Variants in DOP1A observed in about 807,000 individuals in gnomAD.
DOP1A encodes DOP1 leucine zipper like protein A, also known as protein DOP1A.
DOP1A carries 90 observed loss-of-function variants against 267.6 expected under a neutral mutation model. That is an observed-to-expected ratio of 0.34 (90% confidence interval 0.28 to 0.40). DOP1A has a LOEUF of 0.40. DOP1A is among the 10% of genes least tolerant of loss of function. The pLI, the probability that DOP1A is intolerant of heterozygous loss-of-function variation, is 1.00. For missense variants in DOP1A, 2,437 were observed against 2,900.4 expected, an observed-to-expected ratio of 0.84 and a Z score of 3.67; for synonymous variants, 932 against 999.1, an observed-to-expected ratio of 0.93 and a Z score of 1.27.
At chr6:83,112,578 C>T (rs544172434) in intron 6 of DOP1A, among the ~76,000 whole-genome samples, 1 of 152,292 alleles carries the variant, frequency 6.6e-6, no homozygotes, top group Admixed American at 6.5e-5. Context: ...AACTCCCTTG[C>T]CTCAGCCACC....
At chr6:83,084,285 C>T (rs771457225) in intron 1 of DOP1A, among the ~76,000 whole-genome samples, 2 of 152,106 alleles carry the variant, frequency 1.3e-5, no homozygotes, top group African/African-American at 2.4e-5. Flanking sequence ...ATATAACATG[C>T]TGTACAGGTT....
chr6:83,167,883 T>TCAGGGAGAACATTGGGTTGGGAGC lies in DOP1A; in HGVS notation c.7120_7143dup (p.Arg2374_Gly2381dup). On this transcript the variant is annotated inframe_insertion, in exon 39 of 39. Coordinates refer to ENST00000349129, the MANE Select transcript of DOP1A (RefSeq NM_015018.4). ...GCAGAAAAATCCAGAGGAAGACAAC[T>TCAGGGAGAACATTGGGTTGGGAGC]CAGGGAGAACATTGGGTTGGGAGCC... 1.2e-6 allele frequency: 2 copies of TCAGGGAGAACATTGGGTTGGGAGC among 1,611,478 alleles called. No homozygotes were observed. Among genetic ancestry groups the TCAGGGAGAACATTGGGTTGGGAGC allele is most frequent in the Non-Finnish European group, 1.7e-6 (2 of 1,178,220 alleles).
Position 83,129,058 on chromosome 6 carries a change from A to T in DOP1A, c.1891A>T (p.Ile631Phe), listed in dbSNP as rs1196385325. The part of the protein sequence containing the change: ...SEGQGAAAIP[I>F]GSTSSETETA... ...GGGCCAGGGGGCAGCTGCCATCCCA[A>T]TTGGTAGCACATCCTCTGAGACAGA... Residue 631 changes from isoleucine to phenylalanine, a missense_variant, in exon 16 of 39, where the codon ATT becomes TTT. Transcript: ENST00000349129. The T allele has an allele frequency of 6.2e-7, 1 of 1,613,940 alleles. No individual in the cohort carries two copies. Among genetic ancestry groups the T allele is most frequent in the African/African-American group, 1.3e-5 (1 of 74,920 alleles).
rs75477669 is a variant in DOP1A, at chr6:83,140,718, T to C, written c.5415+315T>C. On this transcript the variant is annotated intron_variant, in intron 23 of 38. Coordinates refer to ENST00000349129, the MANE Select transcript of DOP1A (RefSeq NM_015018.4). ...TCCCTGTTCCCATCCCTAATCCCAA[T>C]CAACCACGAATCTATTCTCTCCATA... Among the ~76,000 whole-genome samples, 561 of 152,258 alleles carry C rather than the reference T, an allele frequency of 3.7e-3. 4 individuals carry two copies. The highest frequency in any genetic ancestry group is 0.013 in the African/African-American group (537 of 41,558).
At chr6:83,078,808 T>C (rs186276515) in intron 1 of DOP1A, among the ~76,000 whole-genome samples, 37 of 152,346 alleles carry the variant, frequency 2.4e-4, no homozygotes, top group Non-Finnish European at 7.3e-5. Context: ...TTGGTTCTTA[T>C]TCTATTACGT....
rs911369481 is a variant in DOP1A at position 83,168,048 on chromosome 6, A to G, written c.7279A>G (p.Asn2427Asp). Residue 2427 changes from asparagine to aspartate, a missense_variant, in exon 39 of 39, where the codon AAT becomes GAT. Asn to Asp is a conservative substitution (Grantham distance 23). Transcript: ENST00000349129. ...CTCAGGGAGTCCTATCCTCTACTCAAATGCCTTCCCTAATAAGGACATGAA... is the reference window on the plus strand; with the variant it reads ...CTCAGGGAGTCCTATCCTCTACTCAGATGCCTTCCCTAATAAGGACATGAA... Reference protein sequence around the residue: ...GHSGSPILYSNAFPNKDMKLE... With the variant: ...GHSGSPILYSDAFPNKDMKLE... 2 of 1,614,200 alleles carry G rather than the reference A, an allele frequency of 1.2e-6. No homozygotes were observed. Among genetic ancestry groups the G allele is most frequent in the Admixed American group, 1.7e-5 (1 of 60,024 alleles).
At chr6:83,072,987 TTTAAAG>T (rs767624990) in intron 1 of DOP1A, 23 of 376,910 alleles carry the variant, frequency 6.1e-5, no homozygotes, top group Non-Finnish European at 1.0e-4. Flanking sequence ...CAGTACTTGC[TTTAAAG>T]TTAGTCTCTG....
intron 8 of DOP1A, among the ~76,000 whole-genome samples, chr6:83,119,255 A>G (rs1775959451): frequency 6.6e-6 from 1 of 152,152 alleles, no homozygotes; most frequent in Non-Finnish European, 1.5e-5. Context: ...AGATGGTTGT[A>G]TATAAGTTAG....
At position 83,138,978 on chromosome 6, in the gene DOP1A, C is replaced by A; in HGVS notation, c.4936C>A (p.Arg1646=). ...AGGCATGTTCCTCTGTGCAGTGATA[C>A]GAGCTTTGCATCAGCACTGTGCATG... The part of the protein sequence containing the change: ...CQGMFLCAVI[R]ALHQHCACKM... The change falls in exon 21 of 39, where the codon CGA becomes AGA. Residue 1646 remains arginine (R), a synonymous_variant. Transcript: ENST00000349129. 1 of 1,614,040 alleles carries A rather than the reference C, an allele frequency of 6.2e-7. No homozygotes were observed. Among genetic ancestry groups the A allele is most frequent in the Non-Finnish European group, 8.5e-7 (1 of 1,179,956 alleles).
rs559480659 is a variant in DOP1A, at chr6:83,118,855, T to G, written c.781-33T>G. The G allele has an allele frequency of 4.4e-5, 69 of 1,584,362 alleles. 1 individual carries two copies. The South Asian group carries it at 6.9e-4, about 16-fold the overall frequency. The stretch of plus-strand genomic sequence containing the variant: ...GAAAAAAATAATATATATTGTATAT[T>G]GCTAAGTACAACCATATTCCTAACT... On this transcript the variant is annotated intron_variant, in intron 7 of 38. Coordinates refer to ENST00000349129, the MANE Select transcript of DOP1A (RefSeq NM_015018.4).
chr6:83,089,538 A>G (rs1055661806), intron 1 of DOP1A, among the ~76,000 whole-genome samples: 1 of 152,256 alleles, frequency 6.6e-6, no homozygotes, highest in Non-Finnish European at 1.5e-5. Context: ...CTTTGAAAGT[A>G]TTGCAACTAA....
intron 21 of DOP1A, among the ~76,000 whole-genome samples, chr6:83,139,690 TAAG>T (rs1779321003): frequency 6.6e-6 from 1 of 152,132 alleles, no homozygotes; most frequent in Non-Finnish European, 1.5e-5. Flanking sequence ...TGTAAAATAA[TAAG>T]AAAACTGCCT....
intron 1 of DOP1A, among the ~76,000 whole-genome samples, chr6:83,071,095 A>G (rs1019047998): frequency 1.3e-5 from 2 of 152,242 alleles, no homozygotes; most frequent in Non-Finnish European, 2.9e-5. Context: ...TAAGCCTAAA[A>G]CTTGCCCTTT....
intron 1 of DOP1A, among the ~76,000 whole-genome samples, chr6:83,087,048 C>G (rs890092166): frequency 5.3e-5 from 8 of 152,130 alleles, no homozygotes; most frequent in Admixed American, 2.0e-4. Flanking sequence ...AGACCAGATT[C>G]AGAACACAGC....
At chr6:83,114,359 A>G (rs1358662873) in intron 7 of DOP1A, among the ~76,000 whole-genome samples, 2 of 152,204 alleles carry the variant, frequency 1.3e-5, no homozygotes, top group African/African-American at 4.8e-5. Flanking sequence ...GCTTTTCACA[A>G]AAACAACTGT....
rs759806250 is a variant in DOP1A, at chr6:83,125,294, A to T, written c.1485+99A>T. 60 of 1,256,202 alleles carry T rather than the reference A, an allele frequency of 4.8e-5. No homozygotes were observed. The highest frequency in any genetic ancestry group is 6.3e-5 in the Non-Finnish European group (57 of 911,956). 77.8% of individuals were successfully genotyped at this position (1,256,202 alleles called of 1,614,324 possible). A position where few individuals can be genotyped will look rare whatever the true frequency, so the allele number is the denominator to read the frequency against. On this transcript the variant is annotated intron_variant, in intron 14 of 38. Coordinates refer to ENST00000349129, the MANE Select transcript of DOP1A (RefSeq NM_015018.4). ...CAGATAAAACTGGGGTTATTTTATA[A>T]TATATGCTTTGAAGTATTTAAATTG...
intron 1 of DOP1A, among the ~76,000 whole-genome samples, chr6:83,071,938 T>G (rs1259119236): frequency 6.6e-6 from 1 of 152,218 alleles, no homozygotes; most frequent in Admixed American, 6.5e-5. Flanking sequence ...GTTAATATAA[T>G]GTTTATCTGG....
At chr6:83,125,873 G>C (rs898998503) in intron 15 of DOP1A, 140 bp downstream of exon 15, 2 of 722,946 alleles carry the variant, frequency 2.8e-6, no homozygotes, top group Admixed American at 3.1e-5. Context: ...TAGTAGGCTT[G>C]TAGGCTTTTG....
At chr6:83,077,782 CT>C (rs772100110) in intron 1 of DOP1A, among the ~76,000 whole-genome samples, 1 of 152,206 alleles carries the variant, frequency 6.6e-6, no homozygotes, top group East Asian at 1.9e-4. Flanking sequence ...GGTGTCCAAA[CT>C]TTTGGCCTCC....
Sources: gnomAD v4.1 joint callset for allele counts (sites outside exome capture counted in the v4.1 genomes callset) on GRCh38, gnomAD v4.1.1 for gene constraint, MANE v1.5 for transcripts, NCBI Gene and HGNC (gene_info 2026-07-23, HGNC 2026-07-21) for gene names.